The following PRRT1B variants were observed in gnomAD, a reference collection of about 807,000 sequenced individuals.
PRRT1B encodes the protein proline rich transmembrane protein 1B, also known as dispanin subfamily D member 2.
intron 2 of PRRT1B, among the ~76,000 whole-genome samples, chr9:131,555,542 A>T (rs1353143059): frequency 1.3e-5 from 2 of 151,926 alleles, no homozygotes; most frequent in African/African-American, 4.8e-5. Flanking sequence ...CGGGCATGGT[A>T]GTGCGCGCCT....
exon 2 of PRRT1B, chr9:131,554,784 G>A (rs1040801488): frequency 1.8e-5 from 6 of 335,862 alleles, no homozygotes; most frequent in Non-Finnish European, 3.2e-5. Context: ...GGGCGAGGCC[G>A]GGCCGGTTTC....
chr9:131,550,497 A>G lies in PRRT1B; in HGVS notation c.26-4060A>G, dbSNP rs574449780. 2.0e-5 allele frequency among the ~76,000 whole-genome samples: 3 copies of G among 152,134 alleles called. No individual in the cohort carries two copies. In the South Asian group the frequency reaches 6.2e-4, roughly 32 times the overall value. On this transcript the variant is annotated intron_variant, in intron 1 of 3. Coordinates refer to ENST00000636672, the Ensembl canonical transcript of PRRT1B. ...CAAATTTCTTCCTCATCTGTTACCT[A>G]TCTCGGCATAATTCTCATGAAAACA...
chr9:131,555,818 C>G (rs2132012417), intron 2 of PRRT1B, among the ~76,000 whole-genome samples: 1 of 152,310 alleles, frequency 6.6e-6, no homozygotes, highest in South Asian at 2.1e-4. Flanking sequence ...GGACCCTCGA[C>G]TGAGCCAATG....
Position 131,555,029 on chromosome 9 carries a change from GGT to G in PRRT1B, c.498+2_498+3del. 1 of 391,542 alleles carries G rather than the reference GGT, an allele frequency of 2.6e-6. No homozygotes were observed. The highest frequency in any genetic ancestry group is 4.5e-6 in the Non-Finnish European group (1 of 221,718). 24.3% of individuals were successfully genotyped at this position (391,542 alleles called of 1,614,324 possible). A position where few individuals can be genotyped will look rare whatever the true frequency, so the allele number is the denominator to read the frequency against. Reference sequence around the variant, plus strand: ...CCGGGGCCGCCTTCCCCTTCCCCGTGGTGAGTGGCCGCCGCCCTGGGCGCGCT... The same window carrying G: ...CCGGGGCCGCCTTCCCCTTCCCCGTGGAGTGGCCGCCGCCCTGGGCGCGCT... On this transcript the variant is annotated splice_donor_variant, in intron 2 of 3. Transcript: ENST00000636672. LOFTEE classifies it high-confidence loss of function.
rs549825970 is a variant in PRRT1B, at chr9:131,547,065, C to CTTTTTTTTTTTTTTTT, written c.25+1434_25+1449dup. On this transcript the variant is annotated intron_variant, in intron 1 of 3. Transcript: ENST00000636672. ...AGAGCAGAGCCTGGCCTCCTGTTCGCTTTTTTTTTTTTTTTTTTTTTTTTG... is the reference window on the plus strand; with the variant it reads ...AGAGCAGAGCCTGGCCTCCTGTTCGCTTTTTTTTTTTTTTTTTTTTTTTTTTTTTTTTTTTTTTTTG... Among the ~76,000 whole-genome samples the CTTTTTTTTTTTTTTTT allele has an allele frequency of 2.0e-4, 20 of 100,800 alleles. 2 individuals are homozygous for CTTTTTTTTTTTTTTTT. The highest frequency in any genetic ancestry group is 9.8e-4 in the African/African-American group (20 of 20,480). The allele number at this position is 100,800 out of a possible 152,430, so 66.1% of individuals were successfully genotyped here. A position where few individuals can be genotyped will look rare whatever the true frequency, so the allele number is the denominator to read the frequency against.
chr9:131,553,922 G>T (rs1951028503), intron 1 of PRRT1B, among the ~76,000 whole-genome samples: 1 of 152,228 alleles, frequency 6.6e-6, no homozygotes. Flanking sequence ...GTTGGGTGCT[G>T]AAGGCCAGGG....
intron 1 of PRRT1B, among the ~76,000 whole-genome samples, chr9:131,547,916 T>A (rs1430278795): frequency 1.3e-5 from 2 of 152,186 alleles, no homozygotes; most frequent in Non-Finnish European, 2.9e-5. Flanking sequence ...GGAGATGCGT[T>A]TTATCTGTGG....
exon 2 of PRRT1B, chr9:131,554,663 C>T (rs751457918): frequency 2.3e-5 from 9 of 387,046 alleles, no homozygotes; most frequent in Non-Finnish European, 3.7e-5. Context: ...AGCCCGCGCT[C>T]CCGCAGCTCC....
intron 1 of PRRT1B, among the ~76,000 whole-genome samples, chr9:131,546,831 T>G (rs927193709): frequency 6.6e-6 from 1 of 152,098 alleles, no homozygotes; most frequent in Non-Finnish European, 1.5e-5. Context: ...GGGCCAGATA[T>G]TTGCCCTGGC....
At chr9:131,545,593 T>C in exon 1 of PRRT1B, 1 of 397,594 alleles carries the variant, frequency 2.5e-6, no homozygotes. Context: ...GCGCAGCCCT[T>C]GCAGCCGCCG....
Position 131,551,944 on chromosome 9 carries a change from C to A in PRRT1B, c.26-2613C>A, listed in dbSNP as rs1462592877. ...TCACACGGACACGAGTGAAACCCGC[C>A]ACCACACCTGGCTAATTTTTGTATT... On this transcript the variant is annotated intron_variant, in intron 1 of 3. Transcript: ENST00000636672. This position sits in a 1 kb window ranked among gnomAD's most constrained non-coding sequence, Gnocchi z 4.4. 6.6e-6 allele frequency among the ~76,000 whole-genome samples: 1 copy of A among 152,104 alleles called. No homozygotes were observed. Among genetic ancestry groups the A allele is most frequent in the Non-Finnish European group, 1.5e-5 (1 of 68,028 alleles).
At position 131,548,694 on chromosome 9, in the gene PRRT1B, A is replaced by G. The variant is rs528444651; in HGVS notation, c.25+3054A>G. ...TGAGTCTTTTGAATCTTCCTTTTCT[A>G]CAGACCCATCTGACCTCTCCCCTCC... On this transcript the variant is annotated intron_variant, in intron 1 of 3. Coordinates refer to ENST00000636672, the Ensembl canonical transcript of PRRT1B. Among the ~76,000 whole-genome samples, 28 of 152,042 alleles carry G rather than the reference A, an allele frequency of 1.8e-4. 2 individuals are homozygous for G. In the South Asian group the frequency reaches 5.4e-3, roughly 29 times the overall value.
At chr9:131,556,398 C>T (rs77684389) in intron 3 of PRRT1B, among the ~76,000 whole-genome samples, 185 bp downstream of exon 3, 11,315 of 152,238 alleles carry the variant, frequency 0.074, 1,290 homozygotes, top group African/African-American at 0.24. Flanking sequence ...TCTCTGCCCC[C>T]AACTATTCAA....
intron 3 of PRRT1B, among the ~76,000 whole-genome samples, chr9:131,557,492 C>T (rs980516801): frequency 2.6e-5 from 4 of 152,152 alleles, no homozygotes; most frequent in African/African-American, 4.8e-5. Flanking sequence ...GAGCTGAGAT[C>T]GCACCACTGC....
chr9:131,546,498 CAG>C (rs1310017218), intron 1 of PRRT1B, among the ~76,000 whole-genome samples: 1 of 152,028 alleles, frequency 6.6e-6, no homozygotes, highest in East Asian at 1.9e-4. Flanking sequence ...GGGACCCCTG[CAG>C]AGTCTCGCGC....
chr9:131,549,010 C>T (rs868040219), intron 1 of PRRT1B, among the ~76,000 whole-genome samples: 2 of 152,216 alleles, frequency 1.3e-5, no homozygotes, highest in African/African-American at 2.4e-5. Flanking sequence ...CAGTTCATGG[C>T]TGTTTGGCAG....
chr9:131,554,961 T>G, exon 2 of PRRT1B: 1 of 387,656 alleles, frequency 2.6e-6, no homozygotes. Flanking sequence ...CGCCCAGCTC[T>G]ACCCAGCCGC....
At chr9:131,552,877 G>C (rs1402830633) in intron 1 of PRRT1B, among the ~76,000 whole-genome samples, 5 of 150,166 alleles carry the variant, frequency 3.3e-5, no homozygotes, top group African/African-American at 9.8e-5. Flanking sequence ...AGCGAGACGG[G>C]GTTTCATCAT....
At chr9:131,552,677 GT>G (rs60006538) in intron 1 of PRRT1B, among the ~76,000 whole-genome samples, 54,880 of 141,324 alleles carry the variant, frequency 0.39, 10,402 homozygotes, top group Non-Finnish European at 0.44. Flanking sequence ...AACCTCTAAG[GT>G]TTTTTTTTTT....
Sources: gnomAD v4.1 joint callset for allele counts (sites outside exome capture counted in the v4.1 genomes callset) on GRCh38, gnomAD v4.1.1 for gene constraint, Gnocchi (gnomAD v3.1) non-coding constraint, MANE v1.5 for transcripts, NCBI Gene and HGNC (gene_info 2026-07-23, HGNC 2026-07-21) for gene names.